The following FAM117B variants were observed in gnomAD, a reference collection of about 807,000 sequenced individuals.
FAM117B encodes the protein protein FAM117B.
Under a neutral mutation model 52.8 loss-of-function variants are expected in FAM117B, and 22 were observed. That is an observed-to-expected ratio of 0.42 (90% CI 0.30 to 0.59). The LOEUF is 0.59. Among genes scored for constraint, FAM117B ranks in the 20% least tolerant of loss-of-function variants. The pLI is 0.22. For synonymous variants in FAM117B, 309 were observed against 324.1 expected, an observed-to-expected ratio of 0.95 and a Z score of 0.50; for missense variants, 678 against 802.6, an observed-to-expected ratio of 0.84 and a Z score of 1.88.
At chr2:202,757,038 T>TG (rs1428611379) in intron 5 of FAM117B, among the ~76,000 whole-genome samples, 175 bp from the exon 6 acceptor site, 1 of 152,110 alleles carries the variant, frequency 6.6e-6, no homozygotes, top group Non-Finnish European at 1.5e-5. Context: ...ACTCTCAGTG[T>TG]GGGGGTCAGA....
At chr2:202,683,031 A>C (rs988592082) in intron 1 of FAM117B, among the ~76,000 whole-genome samples, 1 of 152,184 alleles carries the variant, frequency 6.6e-6, no homozygotes, top group African/African-American at 2.4e-5. Flanking sequence ...GAATCCAGTG[A>C]ATTAGGAAAC....
At chr2:202,702,921 T>C (rs1690816962) in intron 2 of FAM117B, among the ~76,000 whole-genome samples, 1 of 152,194 alleles carries the variant, frequency 6.6e-6, no homozygotes, top group African/African-American at 2.4e-5. Flanking sequence ...TATTGCACAC[T>C]TAATACACTA....
intron 1 of FAM117B, among the ~76,000 whole-genome samples, chr2:202,692,529 A>T (rs1389960300): frequency 6.6e-6 from 1 of 152,236 alleles, no homozygotes; most frequent in Non-Finnish European, 1.5e-5. Flanking sequence ...TTCAAAATAT[A>T]ATAATTGAAT....
At chr2:202,738,562 T>C (rs1691476394) in intron 4 of FAM117B, among the ~76,000 whole-genome samples, 1 of 152,200 alleles carries the variant, frequency 6.6e-6, no homozygotes, top group African/African-American at 2.4e-5. Context: ...GATAGGAAAC[T>C]ACTTTTAGAA....
chr2:202,704,050 C>T (rs1311925966), intron 2 of FAM117B, among the ~76,000 whole-genome samples: 1 of 152,190 alleles, frequency 6.6e-6, no homozygotes, highest in African/African-American at 2.4e-5. Flanking sequence ...CCCCATATAA[C>T]TAATGGTGCT....
chr2:202,685,764 T>G (rs1690529961), intron 1 of FAM117B, among the ~76,000 whole-genome samples: 1 of 152,162 alleles, frequency 6.6e-6, no homozygotes, highest in Non-Finnish European at 1.5e-5. Flanking sequence ...TTCCTTAAAC[T>G]GTACACAAAA....
At chr2:202,750,834 CTG>C (rs1022912500) in intron 4 of FAM117B, among the ~76,000 whole-genome samples, 1 of 152,032 alleles carries the variant, frequency 6.6e-6, no homozygotes, top group African/African-American at 2.4e-5. Context: ...AAATATAAAT[CTG>C]TGTGTGTGTC....
At chr2:202,647,871 A>G (rs1348530087) in intron 1 of FAM117B, among the ~76,000 whole-genome samples, 1 of 152,226 alleles carries the variant, frequency 6.6e-6, no homozygotes, top group Non-Finnish European at 1.5e-5. Flanking sequence ...GGCATGTAGC[A>G]GTTGAGATGA....
chr2:202,715,232 C>A (rs1280619975), intron 2 of FAM117B, among the ~76,000 whole-genome samples: 1 of 142,522 alleles, frequency 7.0e-6, no homozygotes, highest in South Asian at 2.3e-4. Context: ...CCCTCCCGGA[C>A]GGGGCGGCTG....
chr2:202,725,975 T>C (rs906752865), intron 3 of FAM117B, among the ~76,000 whole-genome samples: 1 of 152,222 alleles, frequency 6.6e-6, no homozygotes, highest in Non-Finnish European at 1.5e-5. Flanking sequence ...TTTTTAATTC[T>C]TCGTGAAAAC....
chr2:202,729,089 G>T (rs1048354710), intron 4 of FAM117B, among the ~76,000 whole-genome samples: 29 of 152,192 alleles, frequency 1.9e-4, no homozygotes, highest in African/African-American at 6.8e-4. Flanking sequence ...TGTAATCCCA[G>T]CATTTTGGAA....
chr2:202,742,029 T>C (rs1427136552), intron 4 of FAM117B, among the ~76,000 whole-genome samples: 1 of 152,174 alleles, frequency 6.6e-6, no homozygotes, highest in Non-Finnish European at 1.5e-5. Context: ...TTAAGAACAC[T>C]TTTGAAAGAT....
intron 2 of FAM117B, among the ~76,000 whole-genome samples, chr2:202,705,807 T>G (rs2105780384): frequency 6.6e-6 from 1 of 152,340 alleles, no homozygotes; most frequent in East Asian, 1.9e-4. Context: ...AGAGTGCCTT[T>G]TATATTTGCT....
chr2:202,650,039 T>C (rs1220166249), intron 1 of FAM117B, among the ~76,000 whole-genome samples: 1 of 152,100 alleles, frequency 6.6e-6, no homozygotes, highest in Non-Finnish European at 1.5e-5. Flanking sequence ...GGTTAATTTT[T>C]TTTTTTTGGA....
chr2:202,762,545 T>G (rs1691906250), intron 7 of FAM117B, among the ~76,000 whole-genome samples: 1 of 152,236 alleles, frequency 6.6e-6, no homozygotes, highest in South Asian at 2.1e-4. Context: ...ACACAATCCT[T>G]TTAGAATAAC....
intron 2 of FAM117B, among the ~76,000 whole-genome samples, chr2:202,701,372 G>T (rs1015421716): frequency 2.6e-5 from 4 of 152,196 alleles, no homozygotes; most frequent in Non-Finnish European, 5.9e-5. Flanking sequence ...CCCAAGAGCT[G>T]TGATGCAGAT....
chr2:202,740,359 C>CA (rs769846441), intron 4 of FAM117B, among the ~76,000 whole-genome samples: 19,654 of 65,208 alleles, frequency 0.3, 2,547 homozygotes, highest in South Asian at 0.45. Context: ...GACTCTGCCT[C>CA]AAAAAAAAAA....
intron 4 of FAM117B, among the ~76,000 whole-genome samples, chr2:202,727,341 G>A (rs939997412): frequency 6.6e-6 from 1 of 151,930 alleles, no homozygotes; most frequent in African/African-American, 2.4e-5. Flanking sequence ...CTGTAAATAA[G>A]GTTTTATTAG....
intron 1 of FAM117B, among the ~76,000 whole-genome samples, chr2:202,652,625 C>T (rs955994836): frequency 2.0e-5 from 3 of 152,068 alleles, no homozygotes; most frequent in Admixed American, 2.0e-4. Context: ...AGTCAGAATG[C>T]TTTGTGTGCA....
Sources: allele counts gnomAD v4.1 joint callset (sites outside exome capture counted in the v4.1 genomes callset), GRCh38; gene constraint gnomAD v4.1.1; transcripts MANE v1.5; gene names NCBI Gene and HGNC (gene_info 2026-07-23, HGNC 2026-07-21).